Variants in DAB1 observed in about 807,000 individuals in gnomAD.
DAB1 encodes DAB adaptor protein 1.
Under a neutral mutation model 64.6 loss-of-function variants are expected in DAB1, and 15 were observed. The ratio of observed to expected loss-of-function variants is 0.23; its 90% CI spans 0.16 to 0.36. The LOEUF (loss-of-function observed/expected upper bound fraction) is 0.36. Among genes scored for constraint, DAB1 ranks in the 10% least tolerant of loss-of-function variants. The pLI, the probability that DAB1 is intolerant of heterozygous loss-of-function variation, is 1.00. For missense variants in DAB1, 596 were observed against 706.7 expected, an observed-to-expected ratio of 0.84 and a Z score of 1.78; for synonymous variants, 235 against 251.9, an observed-to-expected ratio of 0.93 and a Z score of 0.64.
At chr1:58,022,906 A>G (rs1646834774) in intron 5 of DAB1, among the ~76,000 whole-genome samples, 1 of 152,138 alleles carries the variant, frequency 6.6e-6, no homozygotes, top group African/African-American at 2.4e-5. Context: ...TGCTGGGAGT[A>G]AGATCCCTTT....
chr1:57,772,285 A>C (rs1649596792), intron 6 of DAB1, among the ~76,000 whole-genome samples: 1 of 152,146 alleles, frequency 6.6e-6, no homozygotes, highest in African/African-American at 2.4e-5. Context: ...TGGACTTCCC[A>C]GCCTCCAGAA....
At chr1:57,794,975 C>T (rs892975074) in intron 6 of DAB1, among the ~76,000 whole-genome samples, 8 of 152,208 alleles carry the variant, frequency 5.3e-5, no homozygotes, top group African/African-American at 1.9e-4. Flanking sequence ...GCACTGTTTG[C>T]TGGAGCATGT....
intron 4 of DAB1, among the ~76,000 whole-genome samples, chr1:58,232,042 T>C (rs932772590): frequency 6.6e-6 from 1 of 152,212 alleles, no homozygotes; most frequent in Non-Finnish European, 1.5e-5. Context: ...TGTGCTATTT[T>C]GTTTTTCTGT....
chr1:57,621,274 G>GTGTGCA (rs1645855591), intron 7 of DAB1, among the ~76,000 whole-genome samples: 1 of 15,718 alleles, frequency 6.4e-5, no homozygotes, highest in African/African-American at 7.4e-5. Context: ...GTGTGTGTGT[G>GTGTGCA]TGTGCGTGTG....
At chr1:57,707,354 C>CT (rs71051249) in intron 6 of DAB1, among the ~76,000 whole-genome samples, 50,969 of 141,728 alleles carry the variant, frequency 0.36, 9,017 homozygotes, top group East Asian at 0.46. Context: ...AAATAAGAAA[C>CT]TTTTTTTTTT....
intron 1 of DAB1, among the ~76,000 whole-genome samples, chr1:57,835,190 A>ACT (rs1652756917): frequency 6.6e-6 from 1 of 152,152 alleles, no homozygotes; most frequent in Non-Finnish European, 1.5e-5. Flanking sequence ...ACTAAAGAAC[A>ACT]GTGGCTTTAT....
intron 5 of DAB1, among the ~76,000 whole-genome samples, chr1:58,010,476 G>A (rs1362726764): frequency 1.3e-5 from 2 of 152,018 alleles, no homozygotes; most frequent in African/African-American, 2.4e-5. Flanking sequence ...AACACTTGTC[G>A]GTTTTACCCC....
At chr1:57,136,743 A>C in intron 3 of DAB1, 102 bp from the exon 4 acceptor site, 1 of 566,520 alleles carries the variant, frequency 1.8e-6, no homozygotes, top group Non-Finnish European at 3.0e-6. Context: ...GCCACCAATC[A>C]TGCACACTGC....
intron 6 of DAB1, among the ~76,000 whole-genome samples, chr1:57,679,995 G>C (rs967408645): frequency 4.6e-5 from 7 of 152,128 alleles, no homozygotes; most frequent in African/African-American, 1.7e-4. Flanking sequence ...TAGGTGAATG[G>C]GAATTAGAAC....
chr1:57,259,606 G>C (rs771659125), intron 2 of DAB1, among the ~76,000 whole-genome samples: 2 of 152,192 alleles, frequency 1.3e-5, no homozygotes, highest in Non-Finnish European at 2.9e-5. Context: ...GCAAGGCAGA[G>C]CAACGTGAGA....
In DAB1 at chr1:57,100,531, T is replaced by C. The variant is rs187025463; in HGVS notation, c.307-28117A>G. Among the ~76,000 whole-genome samples, 14 of 152,308 alleles carry C rather than the reference T, an allele frequency of 9.2e-5. No homozygotes were observed. In the East Asian group the frequency reaches 2.7e-3, roughly 29 times the overall value. On this transcript the variant is annotated intron_variant, in intron 4 of 14. Transcript: ENST00000371236. ...GAGCTATAATGGACATGCTGTATTATACTGAATCAAAGGCACTATAAACTG... is the reference window on the plus strand; with the variant it reads ...GAGCTATAATGGACATGCTGTATTACACTGAATCAAAGGCACTATAAACTG...
intron 3 of DAB1, among the ~76,000 whole-genome samples, chr1:58,397,939 A>G (rs1644536685): frequency 6.6e-6 from 1 of 152,206 alleles, no homozygotes. Flanking sequence ...AGCCTATAGC[A>G]GACCCTCAAC....
At chr1:58,494,661 T>C (rs1447838070) in intron 3 of DAB1, among the ~76,000 whole-genome samples, 1 of 151,822 alleles carries the variant, frequency 6.6e-6, no homozygotes, top group Non-Finnish European at 1.5e-5. Context: ...AAAAGACACA[T>C]GAAAAAATGC....
intron 6 of DAB1, among the ~76,000 whole-genome samples, chr1:57,807,577 C>A (rs1161914825): frequency 2.0e-5 from 3 of 152,214 alleles, no homozygotes; most frequent in African/African-American, 7.2e-5. Flanking sequence ...CTCATCATAT[C>A]CTGTCTTCTA....
At chr1:57,746,362 C>T (rs982298851) in intron 6 of DAB1, among the ~76,000 whole-genome samples, 1 of 151,982 alleles carries the variant, frequency 6.6e-6, no homozygotes, top group Non-Finnish European at 1.5e-5. Context: ...TATTTCTTCA[C>T]CAACACTTGA....
chr1:57,487,805 C>T (rs1346722225), intron 7 of DAB1, among the ~76,000 whole-genome samples: 1 of 152,186 alleles, frequency 6.6e-6, no homozygotes, highest in Admixed American at 6.5e-5. Context: ...ATATTTCCAT[C>T]ATTATGGGAC....
At chr1:57,106,251 C>T (rs1042119510) in intron 4 of DAB1, among the ~76,000 whole-genome samples, 2 of 91,702 alleles carry the variant, frequency 2.2e-5, no homozygotes, top group Non-Finnish European at 4.0e-5. Context: ...CATTTATCCC[C>T]CTAACACCCC....
At chr1:57,184,037 A>G (rs1337569582) in intron 2 of DAB1, among the ~76,000 whole-genome samples, 1 of 152,054 alleles carries the variant, frequency 6.6e-6, no homozygotes, top group East Asian at 1.9e-4. Context: ...ACTGCTCTCC[A>G]CTTTTTCTTA....
At chr1:57,053,932 C>T (rs879262299) in intron 9 of DAB1, among the ~76,000 whole-genome samples, 4 of 151,872 alleles carry the variant, frequency 2.6e-5, no homozygotes, top group African/African-American at 4.8e-5. Context: ...GGTGATCCAC[C>T]CACCTTGGCT....
Sources: allele counts gnomAD v4.1 joint callset (sites outside exome capture counted in the v4.1 genomes callset), GRCh38; gene constraint gnomAD v4.1.1; transcripts MANE v1.5; gene names NCBI Gene and HGNC (gene_info 2026-07-23, HGNC 2026-07-21).